Variants in EFR3A observed in about 807,000 individuals in gnomAD.
The protein encoded by EFR3A is protein EFR3 homolog A.
EFR3A carries 76 observed loss-of-function variants against 104.4 expected under a neutral mutation model. That is an observed-to-expected ratio of 0.73 (90% CI 0.60 to 0.88). EFR3A has a LOEUF of 0.88. Among genes scored for constraint, EFR3A ranks in the 40% least tolerant of loss-of-function variants. The probability of loss-of-function intolerance (pLI) is 0.00; values close to 1 mark genes in which losing one functional copy is unlikely to be tolerated. For missense variants in EFR3A, 985 were observed against 1,012.5 expected, an observed-to-expected ratio of 0.97 and a Z score of 0.37; for synonymous variants, 330 against 330.0, an observed-to-expected ratio of 1.00 and a Z score of 0.00.
At chr8:131,931,811 C>CT (rs1817624915) in intron 1 of EFR3A, among the ~76,000 whole-genome samples, 1 of 151,890 alleles carries the variant, frequency 6.6e-6, no homozygotes, top group South Asian at 2.1e-4. Flanking sequence ...TTGTCTTCAT[C>CT]TTTTTCTGCC....
chr8:131,969,465 A>T (rs956714810), intron 9 of EFR3A, among the ~76,000 whole-genome samples: 1 of 151,672 alleles, frequency 6.6e-6, no homozygotes, highest in African/African-American at 2.4e-5. Context: ...ATAATACCTA[A>T]TGCAGTGTAA....
Position 132,012,769 on chromosome 8 carries a change from A to C in EFR3A, c.*1874A>C, listed in dbSNP as rs1822411465. 3 of 152,282 alleles carry C rather than the reference A, an allele frequency of 2.0e-5. No homozygotes were observed. The Admixed American group carries it at 2.0e-4, about 10-fold the overall frequency. 9.4% of individuals were successfully genotyped at this position (152,282 alleles called of 1,614,324 possible). A position where few individuals can be genotyped will look rare whatever the true frequency, so the allele number is the denominator to read the frequency against. The stretch of plus-strand genomic sequence containing the variant: ...AATATATATAATTTAATAGTATAAA[A>C]AATAAAATATATATTCATTTGCACT... On this transcript the variant is annotated 3_prime_UTR_variant, in exon 23 of 23. Transcript: ENST00000254624.
intron 8 of EFR3A, among the ~76,000 whole-genome samples, chr8:131,963,651 A>G (rs535438764): frequency 1.1e-4 from 16 of 152,340 alleles, no homozygotes; most frequent in Non-Finnish European, 2.1e-4. Flanking sequence ...TACAAGGAGG[A>G]GCTGGTACCA....
At chr8:131,927,958 C>T (rs1447417628) in intron 1 of EFR3A, among the ~76,000 whole-genome samples, 1 of 152,142 alleles carries the variant, frequency 6.6e-6, no homozygotes, top group Non-Finnish European at 1.5e-5. Flanking sequence ...TCCTGTTCAT[C>T]ATGATTTTGC....
In EFR3A at chr8:132,010,790, T is replaced by G. The variant is rs772661752; in HGVS notation, c.2361T>G (p.Arg787=). The G allele has an allele frequency of 2.5e-6, 4 of 1,611,688 alleles. No individual in the cohort carries two copies. Among genetic ancestry groups the G allele is most frequent in the Non-Finnish European group, 3.4e-6 (4 of 1,178,364 alleles). ...ACAATGTATTTTTGTTCTTTTATAGTCCTCCTCCCAGTCCATCAGGAACAC... is the reference window on the plus strand; with the variant it reads ...ACAATGTATTTTTGTTCTTTTATAGGCCTCCTCCCAGTCCATCAGGAACAC... The part of the protein sequence containing the change: ...RLAQILELTI[R]PPPSPSGTLT... The change falls in exon 23 of 23, where the codon CGT becomes CGG. Residue 787 remains arginine (R), a splice_region_variant and synonymous_variant. Coordinates refer to ENST00000254624, the MANE Select transcript of EFR3A (RefSeq NM_015137.6).
chr8:131,932,709 G>A (rs114150312), intron 1 of EFR3A, among the ~76,000 whole-genome samples: 2,101 of 152,130 alleles, frequency 0.014, 47 homozygotes, highest in African/African-American at 0.048. Context: ...TCTATAAATG[G>A]AAACTGTCTC....
intron 1 of EFR3A, among the ~76,000 whole-genome samples, chr8:131,928,634 T>C (rs1231078942): frequency 1.3e-5 from 2 of 152,116 alleles, no homozygotes; most frequent in Non-Finnish European, 2.9e-5. Flanking sequence ...TATAGAACAA[T>C]GATTTTCAGT....
At chr8:131,927,673 A>G (rs950705688) in intron 1 of EFR3A, among the ~76,000 whole-genome samples, 1 of 152,192 alleles carries the variant, frequency 6.6e-6, no homozygotes, top group African/African-American at 2.4e-5. Flanking sequence ...TTTAGGAACC[A>G]TAACGTGTGT....
At chr8:131,979,237 T>C in intron 13 of EFR3A, 109 bp from the exon 14 acceptor site, 2 of 1,006,906 alleles carry the variant, frequency 2.0e-6, no homozygotes, top group Non-Finnish European at 1.4e-6. Flanking sequence ...GTAGTATCAT[T>C]ACATACAGGC....
chr8:131,968,361 C>T lies in EFR3A; in HGVS notation c.922C>T (p.Pro308Ser). Residue 308 changes from proline (P) to serine (S), a missense_variant, in exon 9 of 23, where the codon CCC becomes TCC. By Grantham distance (74) the Pro-to-Ser change is moderately conservative. Coordinates refer to ENST00000254624, the MANE Select transcript of EFR3A (RefSeq NM_015137.6). ...CCTTGATGCTCGTAAAAAAGATGCT[C>T]CCCGGGTTCGAGCAGGTATTATTCA... ...GHLDARKKDA[P>S]RVRAGIIQVL... 6.2e-7 allele frequency: 1 copy of T among 1,613,454 alleles called. No individual in the cohort carries two copies. The highest frequency in any genetic ancestry group is 8.5e-7 in the Non-Finnish European group (1 of 1,179,604).
chr8:131,933,806 G>GTT, intron 1 of EFR3A, among the ~76,000 whole-genome samples: 1 of 146,526 alleles, frequency 6.8e-6, no homozygotes, highest in African/African-American at 2.5e-5. Flanking sequence ...AAAAGGTGCT[G>GTT]TTTTTTTTTT....
chr8:131,969,125 A>G (rs1819915179), intron 9 of EFR3A, among the ~76,000 whole-genome samples: 1 of 152,196 alleles, frequency 6.6e-6, no homozygotes, highest in South Asian at 2.1e-4. Flanking sequence ...TGTCAAGTTG[A>G]TAGGATTTGA....
chr8:131,929,997 C>T (rs953068856), intron 1 of EFR3A, among the ~76,000 whole-genome samples: 1 of 152,208 alleles, frequency 6.6e-6, no homozygotes, highest in South Asian at 2.1e-4. Context: ...GCAGAGCAAA[C>T]ACATTGACCA....
intron 12 of EFR3A, 134 bp downstream of exon 12, chr8:131,977,226 A>G (rs1820369089): frequency 1.8e-6 from 1 of 557,624 alleles, no homozygotes; most frequent in African/African-American, 2.0e-5. Flanking sequence ...TATGTTCTTC[A>G]TTTTAAAGAT....
At chr8:131,972,050 T>A (rs1820081420) in intron 10 of EFR3A, among the ~76,000 whole-genome samples, 1 of 152,174 alleles carries the variant, frequency 6.6e-6, no homozygotes, top group Non-Finnish European at 1.5e-5. Flanking sequence ...ATCAGTTGCC[T>A]CTCAATGTTC....
At chr8:131,907,243 A>G (rs951337284) in intron 1 of EFR3A, among the ~76,000 whole-genome samples, 10 of 152,240 alleles carry the variant, frequency 6.6e-5, no homozygotes, top group African/African-American at 2.4e-4. Context: ...TCTTTGGAAA[A>G]GCTGTGGATA....
intron 1 of EFR3A, among the ~76,000 whole-genome samples, chr8:131,932,483 C>T (rs1213116420): frequency 6.6e-6 from 1 of 152,010 alleles, no homozygotes; most frequent in African/African-American, 2.4e-5. Context: ...TATAAATAGG[C>T]TAATAAAGGG....
chr8:131,987,734 G>A, intron 18 of EFR3A, 32 bp downstream of exon 18: 1 of 1,553,510 alleles, frequency 6.4e-7, no homozygotes, highest in Admixed American at 2.1e-5. Context: ...CTTTCACTCT[G>A]GTGATTGCTT....
intron 11 of EFR3A, 69 bp downstream of exon 11, chr8:131,976,210 TGTTAAC>T: frequency 5.8e-6 from 6 of 1,036,334 alleles, no homozygotes; most frequent in Non-Finnish European, 8.5e-6. Context: ...ATCTAGAAAA[TGTTAAC>T]GTTTTGTTTT....
Sources: gnomAD v4.1 joint callset for allele counts (sites outside exome capture counted in the v4.1 genomes callset) on GRCh38, gnomAD v4.1.1 for gene constraint, MANE v1.5 for transcripts, NCBI Gene and HGNC (gene_info 2026-07-23, HGNC 2026-07-21) for gene names.